LTBP1: variants seen among roughly 807,000 people sequenced by gnomAD.
LTBP1 encodes latent transforming growth factor beta binding protein 1.
In LTBP1, 129 loss-of-function variants were observed where a neutral mutation model predicts 207.6. That is an observed-to-expected ratio of 0.62 (90% CI 0.54 to 0.72). The LOEUF is 0.72. Ranked by LOEUF, LTBP1 falls within the 30% of genes least tolerant of loss-of-function variation. The pLI, the probability that LTBP1 is intolerant of heterozygous loss-of-function variation, is 0.00. For missense variants in LTBP1, 2,281 were observed against 2,217.2 expected, an observed-to-expected ratio of 1.03 and a Z score of -0.58; for synonymous variants, 963 against 833.7, an observed-to-expected ratio of 1.16 and a Z score of -2.67.
chr2:33,031,096 GT>G (rs1245799820), intron 3 of LTBP1, among the ~76,000 whole-genome samples: 3 of 151,636 alleles, frequency 2.0e-5, no homozygotes, highest in East Asian at 1.9e-4. Context: ...TAGTACTCTG[GT>G]TTTTTTTATG....
intron 24 of LTBP1, among the ~76,000 whole-genome samples, chr2:33,324,835 G>A (rs1486226610): frequency 2.6e-5 from 4 of 151,266 alleles, no homozygotes; most frequent in Admixed American, 2.0e-4. Context: ...CTGAGTAGCT[G>A]GGACTACAGG....
At chr2:33,211,026 T>C (rs1266697417) in intron 7 of LTBP1, among the ~76,000 whole-genome samples, 2 of 152,240 alleles carry the variant, frequency 1.3e-5, no homozygotes, top group Non-Finnish European at 2.9e-5. Context: ...AGATGTTCTC[T>C]ACTGAAACTT....
At chr2:33,261,464 TAAG>T (rs749463034) in intron 13 of LTBP1, among the ~76,000 whole-genome samples, 1 of 151,836 alleles carries the variant, frequency 6.6e-6, no homozygotes, top group Non-Finnish European at 1.5e-5. Flanking sequence ...CTACTCAAGT[TAAG>T]AAGAAAGAGG....
In LTBP1 at chr2:32,968,727, CT is replaced by C. The variant is rs1431607859; in HGVS notation, c.565+19796del. Reference sequence around the variant, plus strand: ...TTTGTCTTCTACTCTTTTTTCCTGCCTTTTTTTTTTTTTTAAGACAGGGTCT... The same window carrying C: ...TTTGTCTTCTACTCTTTTTTCCTGCCTTTTTTTTTTTTTAAGACAGGGTCT... On this transcript the variant is annotated intron_variant, in intron 2 of 33. Transcript: ENST00000404816. Among the ~76,000 whole-genome samples, 754 of 136,646 alleles carry C rather than the reference CT, an allele frequency of 5.5e-3. 1 individual carries two copies. The highest frequency in any genetic ancestry group is 9.9e-3 in the African/African-American group (370 of 37,318). The allele number at this position is 136,646 out of a possible 152,430, so 89.6% of individuals were successfully genotyped here.
intron 3 of LTBP1, among the ~76,000 whole-genome samples, chr2:33,072,900 A>G (rs11885904): frequency 0.27 from 41,190 of 152,036 alleles, 5,821 homozygotes; most frequent in East Asian, 0.35. Flanking sequence ...GTCTACCACC[A>G]CTTCAGAGGG....
intron 5 of LTBP1, among the ~76,000 whole-genome samples, chr2:33,186,140 T>A (rs2087166872): frequency 6.6e-6 from 1 of 152,264 alleles, no homozygotes; most frequent in Non-Finnish European, 1.5e-5. Flanking sequence ...TAAAGTATGA[T>A]TCAAACTATT....
intron 20 of LTBP1, among the ~76,000 whole-genome samples, chr2:33,294,714 G>A (rs1241074716): frequency 1.3e-5 from 2 of 151,674 alleles, no homozygotes; most frequent in African/African-American, 4.8e-5. Flanking sequence ...GAGTAGCTGG[G>A]ACTACAGGCA....
In LTBP1 at chr2:33,254,459, A is replaced by G. The variant is rs1392660753; in HGVS notation, c.2167+1615A>G. Among the ~76,000 whole-genome samples the G allele has an allele frequency of 2.0e-5, 3 of 151,920 alleles. No homozygotes were observed. The South Asian group carries it at 6.2e-4, about 32-fold the overall frequency. On this transcript the variant is annotated intron_variant, in intron 11 of 33. Transcript: ENST00000404816. ...TCTAGTACTATCAATAAATTTGAAA[A>G]TAATATTCAAGATAAAATTTTTGCA...
chr2:33,048,452 G>A (rs961705140), intron 3 of LTBP1, among the ~76,000 whole-genome samples: 2 of 152,158 alleles, frequency 1.3e-5, no homozygotes, highest in Non-Finnish European at 2.9e-5. Flanking sequence ...TGTTGACCAG[G>A]CACATTGATG....
intron 19 of LTBP1, among the ~76,000 whole-genome samples, chr2:33,287,028 A>G (rs1473964610): frequency 1.3e-5 from 2 of 152,242 alleles, no homozygotes; most frequent in African/African-American, 2.4e-5. Context: ...ACATGTATAC[A>G]TATGTAACAA....
At position 33,021,128 on chromosome 2, in the gene LTBP1, G is replaced by C. The variant is rs759773029; in HGVS notation, c.785G>C (p.Arg262Thr). The C allele has an allele frequency of 1.9e-6, 3 of 1,613,940 alleles. No individual in the cohort carries two copies. Among genetic ancestry groups the C allele is most frequent in the East Asian group, 2.2e-5 (1 of 44,878 alleles). ...TSSKKADTLPRVSPVAQMTLT... is the reference protein window; with the variant it reads ...TSSKKADTLPTVSPVAQMTLT... ...TCTAAGAAGGCAGACACTCTACCAAGAGTCAGCCCTGTGGCCCAGATGACC... is the reference window on the plus strand; with the variant it reads ...TCTAAGAAGGCAGACACTCTACCAACAGTCAGCCCTGTGGCCCAGATGACC... The change falls in exon 3 of 34, where the codon AGA becomes ACA. Residue 262 changes from arginine to threonine, a missense_variant. Transcript: ENST00000404816.
In LTBP1 at chr2:33,134,682, C is replaced by T. The variant is rs2082011266; in HGVS notation, c.1034-111C>T. 1 of 1,598,174 alleles carries T rather than the reference C, an allele frequency of 6.3e-7. No individual in the cohort carries two copies. The highest frequency in any genetic ancestry group is 8.5e-7 in the Non-Finnish European group (1 of 1,173,636). On this transcript the variant is annotated intron_variant, in intron 4 of 33. Coordinates refer to ENST00000404816, the MANE Select transcript of LTBP1 (RefSeq NM_206943.4). This position sits in a 1 kb window ranked among gnomAD's most constrained non-coding sequence, Gnocchi z 4.4. Reference sequence around the variant, plus strand: ...CGGGTTGTGGGCTCTCTCTTTTCCCCTCTTGCTCCTTTCTTTTCTTTTTTT... The same window carrying T: ...CGGGTTGTGGGCTCTCTCTTTTCCCTTCTTGCTCCTTTCTTTTCTTTTTTT...
At chr2:33,141,801 G>T (rs573598825) in intron 5 of LTBP1, among the ~76,000 whole-genome samples, 14 of 152,254 alleles carry the variant, frequency 9.2e-5, no homozygotes, top group Non-Finnish European at 2.9e-5. Flanking sequence ...GCTGACATTT[G>T]GAGCATTCTT....
intron 3 of LTBP1, among the ~76,000 whole-genome samples, chr2:33,072,388 G>A (rs1572495891): frequency 6.6e-6 from 1 of 152,306 alleles, no homozygotes; most frequent in East Asian, 1.9e-4. Flanking sequence ...GAAGCATGGA[G>A]TGGGGAAACC....
chr2:33,188,622 C>T lies in LTBP1; in HGVS notation c.1472C>T (p.Pro491Leu), dbSNP rs775533232. ...GTCAATATCCATGTGAAACATCCTC[C>T]TGAAGCTTCCGTCCAGATACATCAG... Reference protein sequence around the residue: ...NIVNIHVKHPPEASVQIHQVS... With the variant: ...NIVNIHVKHPLEASVQIHQVS... Residue 491 changes from proline (P) to leucine (L), a missense_variant, in exon 7 of 34, where the codon CCT becomes CTT. Physicochemically the swap from Pro to Leu is moderately conservative, Grantham distance 98. This residue lies in a region of LTBP1 where 1,671 missense variants were observed against 1,634.8 expected (regional missense o/e 1.02). Transcript: ENST00000404816. 4 of 1,614,046 alleles carry T rather than the reference C, an allele frequency of 2.5e-6. No individual in the cohort carries two copies. The highest frequency in any genetic ancestry group is 1.7e-5 in the Admixed American group (1 of 60,024).
chr2:32,963,298 G>C (rs1041213404), intron 2 of LTBP1, among the ~76,000 whole-genome samples: 1 of 152,114 alleles, frequency 6.6e-6, no homozygotes, highest in Admixed American at 6.5e-5. Flanking sequence ...TTGCACTCCT[G>C]GGCTCAAGTG....
At chr2:33,298,485 G>T (rs2093923102) in intron 20 of LTBP1, among the ~76,000 whole-genome samples, 1 of 152,176 alleles carries the variant, frequency 6.6e-6, no homozygotes, top group African/African-American at 2.4e-5. Flanking sequence ...TAAAAATGTT[G>T]TCAGATGTTA....
At chr2:32,964,876 C>G (rs1297856595) in intron 2 of LTBP1, among the ~76,000 whole-genome samples, 1 of 151,974 alleles carries the variant, frequency 6.6e-6, no homozygotes, top group Admixed American at 6.6e-5. Flanking sequence ...CCCGTCTCTA[C>G]TAAAAATATA....
intron 7 of LTBP1, among the ~76,000 whole-genome samples, chr2:33,198,077 A>G (rs2088777071): frequency 6.6e-6 from 1 of 152,244 alleles, no homozygotes; most frequent in African/African-American, 2.4e-5. Context: ...ACCCACTTTT[A>G]TAGTTTGCAA....
Sources: allele counts gnomAD v4.1 joint callset (sites outside exome capture counted in the v4.1 genomes callset), GRCh38; gene constraint gnomAD v4.1.1; regional missense constraint gnomAD v4.1.1; non-coding constraint Gnocchi (gnomAD v3.1); transcripts MANE v1.5; gene names NCBI Gene and HGNC (gene_info 2026-07-23, HGNC 2026-07-21).